Variants in DNAH14 observed in about 807,000 individuals in gnomAD.
DNAH14 encodes the protein dynein axonemal heavy chain 14.
A neutral mutation model predicts 520.9 loss-of-function variants in DNAH14; 478 were observed. The observed-to-expected ratio is 0.92, with a 90% CI of 0.85 to 0.99. The LOEUF is 0.99. Among genes scored for constraint, DNAH14 ranks in the 50% least tolerant of loss-of-function variants. The pLI is 0.00. For missense variants in DNAH14, 4,831 were observed against 5,234.5 expected (o/e 0.92, Z 2.38); for synonymous variants, 1,581 against 1,757.2 (o/e 0.90, Z 2.51).
intron 41 of DNAH14, among the ~76,000 whole-genome samples, chr1:225,212,580 T>A (rs1447404772): frequency 6.6e-6 from 1 of 152,200 alleles, no homozygotes; most frequent in Admixed American, 6.5e-5. Flanking sequence ...GTTTCCTGAC[T>A]TTTTAATGAT....
intron 1 of DNAH14, among the ~76,000 whole-genome samples, chr1:224,947,528 T>G (rs1158556057): frequency 6.6e-6 from 1 of 152,204 alleles, no homozygotes; most frequent in Non-Finnish European, 1.5e-5. Flanking sequence ...GCTCTTTTGA[T>G]CCTCTTGATT....
Position 224,957,444 on chromosome 1 carries a change from T to C in DNAH14, c.217+2346T>C, listed in dbSNP as rs374395434. ...GGTGTTGTATTTGGGAATAATCATG[T>C]GTGTGGATGTTTAAGCCATAGTCAT... On this transcript the variant is annotated intron_variant, in intron 3 of 85. Transcript: ENST00000682510. 1.8e-4 allele frequency among the ~76,000 whole-genome samples: 28 copies of C among 152,188 alleles called. No homozygotes were observed. In the South Asian group the frequency reaches 2.3e-3, roughly 12 times the overall value.
At chr1:225,373,521 T>G (rs916129181) in intron 77 of DNAH14, among the ~76,000 whole-genome samples, 2 of 150,890 alleles carry the variant, frequency 1.3e-5, no homozygotes, top group Non-Finnish European at 1.5e-5. Flanking sequence ...GCGGAGGTGA[T>G]AAATAGTTGA....
At chr1:225,114,172 G>A (rs969008206) in intron 23 of DNAH14, among the ~76,000 whole-genome samples, 4 of 151,916 alleles carry the variant, frequency 2.6e-5, no homozygotes, top group African/African-American at 9.7e-5. Context: ...CTGATTATTC[G>A]GGGCCCAAGG....
intron 77 of DNAH14, among the ~76,000 whole-genome samples, chr1:225,368,266 C>T (rs1012176443): frequency 2.0e-5 from 3 of 152,218 alleles, no homozygotes; most frequent in Non-Finnish European, 4.4e-5. Context: ...ATTGGGCAAA[C>T]TAACCTCTCA....
rs551789699 is a variant in DNAH14, at chr1:225,227,497, A to C, written c.6440-3576A>C. ...GATTAACAGCATCTCAAGGCAGAAA[A>C]ATTTTTCTTAGTACAGATCAAAATG... On this transcript the variant is annotated intron_variant, in intron 41 of 85. Coordinates refer to ENST00000682510, the MANE Select transcript of DNAH14 (RefSeq NM_001367479.1). 2.6e-5 allele frequency among the ~76,000 whole-genome samples: 4 copies of C among 152,188 alleles called. No homozygotes were observed. The East Asian group carries it at 5.8e-4, about 22-fold the overall frequency.
At chr1:225,228,528 G>A (rs1454280854) in intron 41 of DNAH14, among the ~76,000 whole-genome samples, 2 of 151,978 alleles carry the variant, frequency 1.3e-5, no homozygotes, top group African/African-American at 4.8e-5. Context: ...ATCCCTAATC[G>A]CCGTAGATCT....
rs78937747 is a variant in DNAH14 at position 225,365,006 on chromosome 1, C to A, written c.12090+112C>A. 597 of 769,936 alleles carry A rather than the reference C, an allele frequency of 7.8e-4. 5 individuals are homozygous for A. The highest frequency in any genetic ancestry group is 3.8e-4 in the Non-Finnish European group (192 of 501,942). The allele number at this position is 769,936 out of a possible 1,614,324, so 47.7% of individuals were successfully genotyped here. On this transcript the variant is annotated intron_variant, in intron 76 of 85. Coordinates refer to ENST00000682510, the MANE Select transcript of DNAH14 (RefSeq NM_001367479.1). ...AAGAGAAAGCTAATTCTGATAAATT[C>A]TGAAATGCTAAATTTCTGCTTTGTG...
At chr1:225,139,924 G>A (rs1038561315) in intron 27 of DNAH14, among the ~76,000 whole-genome samples, 3 of 152,174 alleles carry the variant, frequency 2.0e-5, no homozygotes, top group African/African-American at 7.2e-5. Context: ...TGCTCATCAT[G>A]AGCTTGCAAC....
chr1:224,974,278 A>T, intron 8 of DNAH14, 125 bp downstream of exon 8: 1 of 531,078 alleles, frequency 1.9e-6, no homozygotes, highest in Non-Finnish European at 3.0e-6. Flanking sequence ...TTGCTTTACG[A>T]TTAAACTTAA....
chr1:225,323,752 T>C (rs1203194989), intron 62 of DNAH14, among the ~76,000 whole-genome samples: 3 of 151,726 alleles, frequency 2.0e-5, no homozygotes, highest in Admixed American at 2.0e-4. Context: ...GGAGCCACCT[T>C]GCCCAGCCAC....
At chr1:225,074,806 G>C (rs894367713) in intron 17 of DNAH14, among the ~76,000 whole-genome samples, 1 of 152,184 alleles carries the variant, frequency 6.6e-6, no homozygotes, top group Non-Finnish European at 1.5e-5. Flanking sequence ...CAAACATAGT[G>C]GCCTGCCCCT....
At chr1:225,133,866 G>A (rs1035661729) in intron 27 of DNAH14, among the ~76,000 whole-genome samples, 5 of 152,148 alleles carry the variant, frequency 3.3e-5, no homozygotes, top group South Asian at 2.1e-4. Flanking sequence ...AGCATGGAAT[G>A]TTTCTCCATT....
intron 64 of DNAH14, among the ~76,000 whole-genome samples, chr1:225,325,587 A>G (rs977181228): frequency 6.6e-6 from 1 of 152,204 alleles, no homozygotes; most frequent in African/African-American, 2.4e-5. Context: ...TTTTAAATTA[A>G]AATACAGTAT....
chr1:225,325,675 A>C (rs920638861), intron 64 of DNAH14, among the ~76,000 whole-genome samples: 1 of 152,204 alleles, frequency 6.6e-6, no homozygotes, highest in Non-Finnish European at 1.5e-5. Flanking sequence ...GAGAGTGAGC[A>C]AAGTAATACA....
intron 54 of DNAH14, among the ~76,000 whole-genome samples, chr1:225,278,866 C>A (rs1435762988): frequency 6.6e-6 from 1 of 152,188 alleles, no homozygotes; most frequent in Non-Finnish European, 1.5e-5. Flanking sequence ...TTAATAGTTT[C>A]TCTGTAGATG....
chr1:225,014,181 C>T (rs2065030716), intron 10 of DNAH14, among the ~76,000 whole-genome samples: 1 of 152,128 alleles, frequency 6.6e-6, no homozygotes, highest in Non-Finnish European at 1.5e-5. Flanking sequence ...TGGCATAGTC[C>T]CTCATGGCTT....
At position 225,357,719 on chromosome 1, in the gene DNAH14, A is replaced by T. The variant is rs766963030; in HGVS notation, c.11620-777A>T. ...TATTGCCAATATTTGACAGTTTTTG[A>T]AAGGTAAAAATGGCAACTTCCCATG... On this transcript the variant is annotated intron_variant, in intron 73 of 85. Coordinates refer to ENST00000682510, the MANE Select transcript of DNAH14 (RefSeq NM_001367479.1). 29 of 688,546 alleles carry T rather than the reference A, an allele frequency of 4.2e-5. No homozygotes were observed. The South Asian group carries it at 4.5e-4, about 11-fold the overall frequency. 42.7% of individuals were successfully genotyped at this position (688,546 alleles called of 1,614,324 possible).
At chr1:224,980,420 G>A (rs1334319136) in intron 8 of DNAH14, among the ~76,000 whole-genome samples, 1 of 152,166 alleles carries the variant, frequency 6.6e-6, no homozygotes, top group African/African-American at 2.4e-5. Flanking sequence ...AGGAAGAATG[G>A]GAAGGACTTT....
Sources: gnomAD v4.1 joint callset for allele counts (sites outside exome capture counted in the v4.1 genomes callset) on GRCh38, gnomAD v4.1.1 for gene constraint, MANE v1.5 for transcripts, NCBI Gene and HGNC (gene_info 2026-07-23, HGNC 2026-07-21) for gene names.